ADAM12: variants seen among roughly 807,000 people sequenced by gnomAD.
The protein encoded by ADAM12 is disintegrin and metalloproteinase domain-containing protein 12.
In ADAM12, 70 loss-of-function variants were observed where a neutral mutation model predicts 106.4. That is an observed-to-expected ratio of 0.66 (90% CI 0.54 to 0.80). The LOEUF (loss-of-function observed/expected upper bound fraction) is 0.80. ADAM12 is among the 30% of genes least tolerant of loss of function. The pLI is 0.00. For synonymous variants in ADAM12, 420 were observed against 433.5 expected, an observed-to-expected ratio of 0.97 and a Z score of 0.39; for missense variants, 1,010 against 1,171.9, an observed-to-expected ratio of 0.86 and a Z score of 2.02.
At chr10:126,120,965 T>C (rs1218287909) in intron 5 of ADAM12, among the ~76,000 whole-genome samples, 1 of 132,270 alleles carries the variant, frequency 7.6e-6, no homozygotes, top group Non-Finnish European at 1.5e-5. Context: ...ATATATATTA[T>C]ATATTACATA....
At chr10:126,326,878 A>C (rs566131895) in intron 2 of ADAM12, among the ~76,000 whole-genome samples, 1 of 152,286 alleles carries the variant, frequency 6.6e-6, no homozygotes, top group African/African-American at 2.4e-5. Context: ...CTCCACAGAG[A>C]GGCCTTTCCT....
chr10:126,374,957 A>G (rs1437390162), intron 1 of ADAM12, among the ~76,000 whole-genome samples: 4 of 152,156 alleles, frequency 2.6e-5, no homozygotes, highest in Non-Finnish European at 4.4e-5. Context: ...AACTACCTTA[A>G]AAGTAACCAG....
Position 126,150,043 on chromosome 10 carries a change from A to T in ADAM12, c.339+5184T>A, listed in dbSNP as rs191739811. On this transcript the variant is annotated intron_variant, in intron 4 of 22. Transcript: ENST00000448723. ...AGGGAGATTGTAACAGAATGCACAAAACTATTCAAATAACTTTGAATGCAT... is the reference window on the plus strand; with the variant it reads ...AGGGAGATTGTAACAGAATGCACAATACTATTCAAATAACTTTGAATGCAT... 5.8e-3 allele frequency among the ~76,000 whole-genome samples: 880 copies of T among 152,358 alleles called. 9 individuals carry two copies. The highest frequency in any genetic ancestry group is 0.02 in the African/African-American group (848 of 41,584).
intron 3 of ADAM12, among the ~76,000 whole-genome samples, chr10:126,233,717 C>G (rs935761745): frequency 1.3e-5 from 2 of 152,048 alleles, no homozygotes; most frequent in Non-Finnish European, 2.9e-5. Flanking sequence ...CACTTGTGAA[C>G]CAAATGTTTC....
At chr10:126,145,277 C>T (rs1436208688) in intron 4 of ADAM12, among the ~76,000 whole-genome samples, 1 of 152,122 alleles carries the variant, frequency 6.6e-6, no homozygotes, top group Non-Finnish European at 1.5e-5. Context: ...CCTCTCCTCT[C>T]CTCATATTCC....
intron 3 of ADAM12, among the ~76,000 whole-genome samples, chr10:126,238,967 TAA>T (rs1216589114): frequency 6.6e-6 from 1 of 152,166 alleles, no homozygotes. Flanking sequence ...GAGAAAGAGA[TAA>T]AAGAGAGAAG....
chr10:126,236,579 T>A (rs1565157774), intron 3 of ADAM12, among the ~76,000 whole-genome samples: 1 of 151,888 alleles, frequency 6.6e-6, no homozygotes, highest in African/African-American at 2.4e-5. Context: ...GGGAGCTGAA[T>A]GAGCACTCAC....
intron 3 of ADAM12, among the ~76,000 whole-genome samples, chr10:126,248,685 G>GTATGTATGTATGTATTTATTTATT (rs1291820531): frequency 1.5e-5 from 1 of 67,070 alleles, no homozygotes; most frequent in African/African-American, 6.6e-5. Flanking sequence ...ATGTATGTAT[G>GTATGTATGTATGTATTTATTTATT]TATTTATTTA....
At chr10:126,189,049 G>A (rs545846030) in intron 3 of ADAM12, among the ~76,000 whole-genome samples, 3 of 152,240 alleles carry the variant, frequency 2.0e-5, no homozygotes, top group Middle Eastern at 3.4e-3. Flanking sequence ...TTGCACAAAC[G>A]TCCCTTTTCT....
In ADAM12 at chr10:126,043,973, G is replaced by A. The variant is rs1264098438; in HGVS notation, c.1996-825C>T. On this transcript the variant is annotated intron_variant, in intron 17 of 22. Transcript: ENST00000448723. This position sits in a 1 kb window ranked among gnomAD's most constrained non-coding sequence, Gnocchi z 4.1. ...ACCAGAGCATTCCATGCAGGGGCCA[G>A]CAGCCCCTGCCCACCTGGTTACCAA... is the stretch of plus-strand genomic sequence containing the variant. Among the ~76,000 whole-genome samples the A allele has an allele frequency of 6.6e-6, 1 of 152,188 alleles. No individual in the cohort carries two copies. Among genetic ancestry groups the A allele is most frequent in the Non-Finnish European group, 1.5e-5 (1 of 68,026 alleles).
intron 3 of ADAM12, 103 bp downstream of exon 3, chr10:126,278,812 A>C: frequency 1.2e-6 from 1 of 814,778 alleles, no homozygotes; most frequent in Non-Finnish European, 1.9e-6. Context: ...AAATCCATGC[A>C]TTTCGTTCTT....
At chr10:126,347,000 T>C (rs1036334433) in intron 1 of ADAM12, among the ~76,000 whole-genome samples, 20 of 152,348 alleles carry the variant, frequency 1.3e-4, no homozygotes, top group Non-Finnish European at 1.6e-4. Context: ...TGTCTTTTAA[T>C]TGGAGCAGTT....
At position 126,049,194 on chromosome 10, in the gene ADAM12, T is replaced by C; in HGVS notation, c.1917+59A>G. 2.5e-6 allele frequency: 4 copies of C among 1,597,456 alleles called. No homozygotes were observed. The highest frequency in any genetic ancestry group is 3.4e-6 in the Non-Finnish European group (4 of 1,170,122). On this transcript the variant is annotated intron_variant, in intron 16 of 22. Transcript: ENST00000448723. This position sits in a 1 kb window ranked among gnomAD's most constrained non-coding sequence, Gnocchi z 4.4. Reference sequence around the variant, plus strand: ...ACCTTGTAACCCAGTTCTTGCTGTTTTTCAATGGGCCCTGTTCCAGACTTA... The same window carrying C: ...ACCTTGTAACCCAGTTCTTGCTGTTCTTCAATGGGCCCTGTTCCAGACTTA...
chr10:126,046,557 C>T (rs1290823699), intron 16 of ADAM12, among the ~76,000 whole-genome samples: 1 of 151,972 alleles, frequency 6.6e-6, no homozygotes, highest in African/African-American at 2.4e-5. Context: ...GTAATACCAG[C>T]ACTTTGGGAG....
chr10:126,141,864 A>G (rs1008505966), intron 4 of ADAM12, among the ~76,000 whole-genome samples: 4 of 152,224 alleles, frequency 2.6e-5, no homozygotes, highest in African/African-American at 9.6e-5. Context: ...GCCCTATGCA[A>G]TGAGCCAAAC....
chr10:126,141,124 A>G (rs745743942), intron 4 of ADAM12, among the ~76,000 whole-genome samples: 10 of 152,234 alleles, frequency 6.6e-5, no homozygotes, highest in Non-Finnish European at 1.3e-4. Flanking sequence ...GAGACCCAGC[A>G]GGGAGCCATC....
intron 3 of ADAM12, among the ~76,000 whole-genome samples, chr10:126,202,140 T>C (rs2133821457): frequency 1.3e-5 from 2 of 152,370 alleles, no homozygotes; most frequent in Admixed American, 1.3e-4. Context: ...CTTCTTCCAC[T>C]GTGGCTGGAG....
intron 3 of ADAM12, among the ~76,000 whole-genome samples, chr10:126,212,902 T>C (rs1245758640): frequency 6.6e-6 from 1 of 152,204 alleles, no homozygotes; most frequent in Non-Finnish European, 1.5e-5. Flanking sequence ...TTTTTTTTTC[T>C]AAATAACAGC....
rs1185901701 is a variant in ADAM12 at position 126,155,347 on chromosome 10, T to C, written c.261-42A>G. The stretch of plus-strand genomic sequence containing the variant: ...ACACCATAAAAAGATGAGTGCAGAA[T>C]TGCATTGATACATTGTTGTGAATGT... On this transcript the variant is annotated intron_variant, in intron 3 of 22. Coordinates refer to ENST00000448723, the MANE Select transcript of ADAM12 (RefSeq NM_001288973.2). The C allele has an allele frequency of 6.5e-6, 10 of 1,548,462 alleles. No individual in the cohort carries two copies. In the South Asian group the frequency reaches 1.0e-4, roughly 16 times the overall value.
Sources: allele counts gnomAD v4.1 joint callset (sites outside exome capture counted in the v4.1 genomes callset), GRCh38; gene constraint gnomAD v4.1.1; non-coding constraint Gnocchi (gnomAD v3.1); transcripts MANE v1.5; gene names NCBI Gene and HGNC (gene_info 2026-07-23, HGNC 2026-07-21).